ZNF695: variants seen among roughly 807,000 people sequenced by gnomAD.
ZNF695 encodes the protein zinc finger protein 695.
Under a neutral mutation model 11.2 loss-of-function variants are expected in ZNF695, and 11 were observed. That is an observed-to-expected ratio of 0.98 (90% confidence interval 0.62 to 1.62). The LOEUF is 1.62. ZNF695 is among the 40% of genes most tolerant of loss of function. The pLI is 0.00. For synonymous variants in ZNF695, 190 were observed against 201.4 expected, an observed-to-expected ratio of 0.94 and a Z score of 0.48; for missense variants, 559 against 590.5, an observed-to-expected ratio of 0.95 and a Z score of 0.55.
intron 1 of ZNF695, among the ~76,000 whole-genome samples, chr1:247,000,357 T>C (rs539085480): frequency 2.2e-4 from 34 of 152,090 alleles, no homozygotes; most frequent in African/African-American, 8.0e-4. Context: ...CCACAAAAAT[T>C]AGCCGGGCGT....
At chr1:247,002,504 G>T (rs1669415429) in intron 1 of ZNF695, among the ~76,000 whole-genome samples, 1 of 152,120 alleles carries the variant, frequency 6.6e-6, no homozygotes, top group African/African-American at 2.4e-5. Flanking sequence ...AAATAACCAA[G>T]GCCGGGCGTG....
At chr1:246,994,786 A>G (rs370877816) in intron 3 of ZNF695, among the ~76,000 whole-genome samples, 31 of 152,156 alleles carry the variant, frequency 2.0e-4, no homozygotes, top group South Asian at 1.7e-3. Flanking sequence ...GCAGTGAGCC[A>G]AGATAGCCCC....
chr1:246,959,310 A>AAAAAAATATATATATAT (rs1558304450), intron 5 of ZNF695, among the ~76,000 whole-genome samples: 1 of 51,252 alleles, frequency 2.0e-5, no homozygotes, highest in Non-Finnish European at 3.2e-5. Context: ...AAAAAAAAAA[A>AAAAAAATATATATATAT]ATATATATAT....
chr1:246,979,741 T>C (rs1194861805), intron 4 of ZNF695: 1 of 152,730 alleles, frequency 6.5e-6, no homozygotes, highest in Non-Finnish European at 1.5e-5. Flanking sequence ...GTTTAGAGTA[T>C]TCTTTAAAAT....
Position 246,986,745 on chromosome 1 carries a change from TG to T in ZNF695, c.*221del, listed in dbSNP as rs1668861009. On this transcript the variant is annotated 3_prime_UTR_variant, in exon 4 of 4. Coordinates refer to ENST00000339986, the MANE Select transcript of ZNF695 (RefSeq NM_020394.5). ...GGTTTCCCTCCAGTATAAATTCTTC[TG>T]TGTACAGTAAGAGCTGTGATATAAG... is the stretch of plus-strand genomic sequence containing the variant. 1 of 1,258,800 alleles carries T rather than the reference TG, an allele frequency of 7.9e-7. No individual in the cohort carries two copies. The allele number at this position is 1,258,800 out of a possible 1,614,324, so 78.0% of individuals were successfully genotyped here.
chr1:247,005,077 A>G (rs537513490), intron 1 of ZNF695, among the ~76,000 whole-genome samples: 65 of 152,338 alleles, frequency 4.3e-4, no homozygotes, highest in African/African-American at 1.5e-3. Context: ...GAGAAATAGA[A>G]AAACTAAGCC....
intron 4 of ZNF695, among the ~76,000 whole-genome samples, chr1:246,974,346 G>T (rs1330176583): frequency 6.6e-6 from 1 of 152,138 alleles, no homozygotes; most frequent in Non-Finnish European, 1.5e-5. Context: ...CAGATCTCTG[G>T]TCTAGGATTC....
At chr1:246,988,955 G>A (rs374463363) in intron 3 of ZNF695, among the ~76,000 whole-genome samples, 154 of 152,270 alleles carry the variant, frequency 1.0e-3, no homozygotes, top group East Asian at 4.8e-3. Context: ...TTAGCCGGGC[G>A]TGGTGGCAGG....
intron 3 of ZNF695, among the ~76,000 whole-genome samples, chr1:246,998,192 T>C (rs543522934): frequency 6.6e-6 from 1 of 152,284 alleles, no homozygotes; most frequent in East Asian, 1.9e-4. Flanking sequence ...CACATACATA[T>C]ATACACACAC....
chr1:246,966,794 A>G (rs1277441194), intron 5 of ZNF695: 2 of 456,540 alleles, frequency 4.4e-6, no homozygotes, highest in Non-Finnish European at 8.8e-6. Flanking sequence ...TAAAGGAAAA[A>G]AAAGTCAAAA....
At chr1:246,978,085 A>C (rs1278454688) in intron 4 of ZNF695, among the ~76,000 whole-genome samples, 1 of 152,226 alleles carries the variant, frequency 6.6e-6, no homozygotes, top group Non-Finnish European at 1.5e-5. Context: ...CCACCAATGT[A>C]AGCAGAAACA....
intron 3 of ZNF695, among the ~76,000 whole-genome samples, chr1:246,989,612 CCTTA>C (rs1668966350): frequency 6.6e-6 from 1 of 152,138 alleles, no homozygotes; most frequent in Admixed American, 6.5e-5. Context: ...CAGGATTAAG[CCTTA>C]CTTACCAATA....
At position 246,999,402 on chromosome 1, in the gene ZNF695, C is replaced by A. The variant is rs1669300554; in HGVS notation, c.205G>T (p.Glu69Ter). 1 of 1,613,924 alleles carries A rather than the reference C, an allele frequency of 6.2e-7. No homozygotes were observed. Among genetic ancestry groups the A allele is most frequent in the African/African-American group, 1.3e-5 (1 of 74,916 alleles). ...ACGTTCCAGGGCTCTTTCCTTGCCTCCAGACAGATGATCAGTTCTGGCTTA... is the reference window on the plus strand; with the variant it reads ...ACGTTCCAGGGCTCTTTCCTTGCCTACAGACAGATGATCAGTTCTGGCTTA... ...MSKPELIICL[E>*]ARKEPWNVNT... is the part of the protein sequence containing the mutation. The change falls in exon 3 of 4, where the codon GAG becomes TAG. Residue 69 changes from glutamate (E) to a stop codon, truncating the protein, a stop_gained. Coordinates refer to ENST00000339986, the MANE Select transcript of ZNF695 (RefSeq NM_020394.5). LOFTEE classifies it high-confidence loss of function.
At chr1:246,975,902 G>A (rs1001021672) in intron 4 of ZNF695, among the ~76,000 whole-genome samples, 4 of 152,070 alleles carry the variant, frequency 2.6e-5, no homozygotes, top group Admixed American at 6.5e-5. Context: ...TCTATTAGGC[G>A]AAGAGAACAA....
intron 5 of ZNF695, among the ~76,000 whole-genome samples, chr1:246,949,363 G>A (rs2642987): frequency 0.41 from 62,242 of 151,822 alleles, 12,916 homozygotes; most frequent in East Asian, 0.46. Flanking sequence ...GGCCGAGGCA[G>A]GCAGCTCATC....
intron 5 of ZNF695, among the ~76,000 whole-genome samples, chr1:246,953,073 C>T (rs1667905502): frequency 6.6e-6 from 1 of 152,102 alleles, no homozygotes; most frequent in African/African-American, 2.4e-5. Context: ...TGTAATACTT[C>T]CCTAGGCTTT....
At chr1:246,976,937 A>T (rs1572518430) in intron 4 of ZNF695, among the ~76,000 whole-genome samples, 1 of 152,200 alleles carries the variant, frequency 6.6e-6, no homozygotes, top group East Asian at 1.9e-4. Context: ...GCTACTTTTT[A>T]AACTTTAGAC....
At chr1:246,989,051 G>A (rs568525597) in intron 3 of ZNF695, among the ~76,000 whole-genome samples, 18 of 146,802 alleles carry the variant, frequency 1.2e-4, no homozygotes, top group East Asian at 2.0e-4. Flanking sequence ...CCAAGATCGC[G>A]CCACTGCACT....
At chr1:246,985,231 A>T (rs192927321), downstream of ZNF695, 6 of 908,730 alleles carry the variant, frequency 6.6e-6, no homozygotes, top group East Asian at 7.2e-4. Flanking sequence ...AAAAGCATGT[A>T]TATGTTTTGC....
Sources: allele counts gnomAD v4.1 joint callset (sites outside exome capture counted in the v4.1 genomes callset), GRCh38; gene constraint gnomAD v4.1.1; transcripts MANE v1.5; gene names NCBI Gene and HGNC (gene_info 2026-07-23, HGNC 2026-07-21).